Variants in CTNNA1 observed in about 807,000 individuals in gnomAD.
CTNNA1 encodes catenin alpha-1.
A neutral mutation model predicts 98.4 loss-of-function variants in CTNNA1; 37 were observed. The ratio of observed to expected loss-of-function variants is 0.38; its 90% CI spans 0.29 to 0.49. The LOEUF (loss-of-function observed/expected upper bound fraction) is 0.49. Ranked by LOEUF, CTNNA1 falls within the 20% of genes least tolerant of loss-of-function variation. The pLI is 0.95. For missense variants in CTNNA1, 761 were observed against 1,147.2 expected (o/e 0.66, Z 4.86); for synonymous variants, 404 against 413.2 (o/e 0.98, Z 0.27).
intron 1 of CTNNA1, among the ~76,000 whole-genome samples, chr5:138,777,190 C>A (rs1465920495): frequency 1.3e-5 from 2 of 152,156 alleles, no homozygotes; most frequent in South Asian, 2.1e-4. Flanking sequence ...GGGTCGCGGC[C>A]GGGTAGAGGC....
At chr5:138,760,502 T>A (rs1020150307) in intron 1 of CTNNA1, among the ~76,000 whole-genome samples, 5 of 151,784 alleles carry the variant, frequency 3.3e-5, no homozygotes, top group African/African-American at 1.2e-4. Context: ...GTAGCTGGGA[T>A]TACAGGTGTG....
chr5:138,881,211 T>C, intron 7 of CTNNA1: 2 of 419,800 alleles, frequency 4.8e-6, no homozygotes, highest in South Asian at 3.3e-5. Context: ...GTGTCTGTTC[T>C]GCTCTTTGTA....
intron 10 of CTNNA1, among the ~76,000 whole-genome samples, chr5:138,914,946 G>C (rs1423278635): frequency 2.0e-5 from 3 of 152,038 alleles, no homozygotes; most frequent in Non-Finnish European, 2.9e-5. Context: ...AGGAGATCGA[G>C]ACCATCCTGG....
intron 9 of CTNNA1, among the ~76,000 whole-genome samples, chr5:138,898,456 T>G (rs778262463): frequency 6.6e-6 from 1 of 152,160 alleles, no homozygotes; most frequent in African/African-American, 2.4e-5. Context: ...ACTTATAAAT[T>G]ATTCACACAC....
chr5:138,929,982 T>C (rs1245672933), intron 14 of CTNNA1, among the ~76,000 whole-genome samples: 2 of 152,096 alleles, frequency 1.3e-5, no homozygotes, highest in East Asian at 3.9e-4. Flanking sequence ...GGGCTGGAGG[T>C]GGGCAGCAGG....
chr5:138,921,004 A>G (rs1359983351), intron 11 of CTNNA1, among the ~76,000 whole-genome samples: 1 of 152,174 alleles, frequency 6.6e-6, no homozygotes, highest in South Asian at 2.1e-4. Flanking sequence ...GCACTTGCAT[A>G]GAAAAAGAGG....
At chr5:138,799,360 A>G (rs1400956066) in intron 3 of CTNNA1, among the ~76,000 whole-genome samples, 1 of 152,154 alleles carries the variant, frequency 6.6e-6, no homozygotes. Flanking sequence ...GGGTTTTGCC[A>G]TGTTGGTCAG....
At chr5:138,840,370 T>A (rs955386282) in intron 7 of CTNNA1, among the ~76,000 whole-genome samples, 1 of 152,218 alleles carries the variant, frequency 6.6e-6, no homozygotes, top group African/African-American at 2.4e-5. Context: ...TAATCATAGC[T>A]GACAGGTCTC....
At chr5:138,838,390 A>G (rs1761986615) in intron 7 of CTNNA1, among the ~76,000 whole-genome samples, 1 of 152,130 alleles carries the variant, frequency 6.6e-6, no homozygotes, top group Non-Finnish European at 1.5e-5. Flanking sequence ...CTATCCTTCT[A>G]CTGTTTAGCA....
chr5:138,825,828 T>C (rs1166609065), intron 6 of CTNNA1, among the ~76,000 whole-genome samples: 1 of 152,184 alleles, frequency 6.6e-6, no homozygotes, highest in Non-Finnish European at 1.5e-5. Flanking sequence ...CTTTAAACAT[T>C]AAATTATTTT....
At chr5:138,797,985 A>G (rs1452108221) in intron 3 of CTNNA1, among the ~76,000 whole-genome samples, 2 of 152,194 alleles carry the variant, frequency 1.3e-5, no homozygotes, top group African/African-American at 2.4e-5. Flanking sequence ...TACTTTCTGC[A>G]CTATAGACAG....
chr5:138,839,227 T>G (rs1235426975), intron 7 of CTNNA1, among the ~76,000 whole-genome samples: 1 of 152,194 alleles, frequency 6.6e-6, no homozygotes, highest in African/African-American at 2.4e-5. Flanking sequence ...GCTTTTTATT[T>G]TTTTTTTCTT....
intron 7 of CTNNA1, among the ~76,000 whole-genome samples, chr5:138,884,703 G>A (rs1753647734): frequency 6.6e-6 from 1 of 152,108 alleles, no homozygotes; most frequent in African/African-American, 2.4e-5. Context: ...TCCAAAGGGA[G>A]GAGAGTATAA....
intron 7 of CTNNA1, among the ~76,000 whole-genome samples, chr5:138,856,818 A>G (rs760658433): frequency 6.6e-6 from 1 of 152,230 alleles, no homozygotes; most frequent in African/African-American, 2.4e-5. Context: ...TGCCTAATTC[A>G]TGAGATGAAA....
intron 7 of CTNNA1, among the ~76,000 whole-genome samples, chr5:138,829,708 G>A (rs1581186836): frequency 1.3e-5 from 2 of 152,158 alleles, no homozygotes; most frequent in African/African-American, 4.8e-5. Context: ...ATGAAAACTG[G>A]AACAATGTGT....
At chr5:138,823,225 C>T (rs1044253266) in intron 5 of CTNNA1, among the ~76,000 whole-genome samples, 2 of 152,088 alleles carry the variant, frequency 1.3e-5, no homozygotes, top group African/African-American at 2.4e-5. Flanking sequence ...CAGAAATACC[C>T]GCTTCCCATT....
chr5:138,778,118 C>G (rs1014445753), intron 1 of CTNNA1, among the ~76,000 whole-genome samples: 3 of 150,744 alleles, frequency 2.0e-5, no homozygotes, highest in Non-Finnish European at 3.0e-5. Context: ...CTCAGCCTCC[C>G]GAGTAGCTGG....
intron 3 of CTNNA1, 89 bp from the exon 4 acceptor site, chr5:138,809,949 A>G (rs1758502111): frequency 3.5e-6 from 5 of 1,442,522 alleles, no homozygotes; most frequent in Admixed American, 2.2e-5. Context: ...TGAAATATAC[A>G]AAGTTTGGAT....
At chr5:138,840,447 T>C (rs1481845134) in intron 7 of CTNNA1, among the ~76,000 whole-genome samples, 1 of 152,254 alleles carries the variant, frequency 6.6e-6, no homozygotes, top group Non-Finnish European at 1.5e-5. Context: ...CTATAAAATG[T>C]ATGTGCAAAT....
Sources: allele counts gnomAD v4.1 joint callset (sites outside exome capture counted in the v4.1 genomes callset), GRCh38; gene constraint gnomAD v4.1.1; transcripts MANE v1.5; gene names NCBI Gene and HGNC (gene_info 2026-07-23, HGNC 2026-07-21).